The following LRRTM4 variants were observed in gnomAD, a reference collection of about 807,000 sequenced individuals.
LRRTM4 encodes leucine rich repeat transmembrane neuronal 4.
Under a neutral mutation model 47.6 loss-of-function variants are expected in LRRTM4, and 25 were observed. The ratio of observed to expected loss-of-function variants is 0.53; its 90% CI spans 0.38 to 0.73. The LOEUF is 0.73. Among genes scored for constraint, LRRTM4 ranks in the 30% least tolerant of loss-of-function variants. The pLI is 0.00. For synonymous variants in LRRTM4, 311 were observed against 269.5 expected, an observed-to-expected ratio of 1.15 and a Z score of -1.51; for missense variants, 638 against 713.4, an observed-to-expected ratio of 0.89 and a Z score of 1.20.
intron 3 of LRRTM4, among the ~76,000 whole-genome samples, chr2:77,498,967 C>A (rs1678466536): frequency 6.6e-6 from 1 of 151,886 alleles, no homozygotes; most frequent in African/African-American, 2.4e-5. Context: ...TTGCTCGCTA[C>A]ATATGACATC....
chr2:76,879,382 T>G (rs1051622346), intron 3 of LRRTM4, among the ~76,000 whole-genome samples: 4 of 152,188 alleles, frequency 2.6e-5, no homozygotes, highest in African/African-American at 9.6e-5. Context: ...TTAGGGCCAT[T>G]AAGAATTATA....
intron 3 of LRRTM4, among the ~76,000 whole-genome samples, chr2:76,969,217 T>C (rs1318606819): frequency 6.6e-6 from 1 of 151,872 alleles, no homozygotes; most frequent in Admixed American, 6.6e-5. Flanking sequence ...GCCCAAGGAG[T>C]AATAGCATAG....
chr2:77,241,996 A>G (rs1373735645), intron 3 of LRRTM4, among the ~76,000 whole-genome samples: 1 of 152,096 alleles, frequency 6.6e-6, no homozygotes, highest in East Asian at 1.9e-4. Flanking sequence ...GTCAGTCCAT[A>G]CATCTGTCTT....
intron 3 of LRRTM4, among the ~76,000 whole-genome samples, chr2:77,272,669 T>G (rs1676236979): frequency 6.6e-6 from 1 of 152,174 alleles, no homozygotes; most frequent in Admixed American, 6.6e-5. Flanking sequence ...TTTGTGTCAT[T>G]GGGGCAGGTC....
intron 3 of LRRTM4, among the ~76,000 whole-genome samples, chr2:76,915,980 T>G (rs1206889464): frequency 6.6e-6 from 1 of 152,110 alleles, no homozygotes; most frequent in African/African-American, 2.4e-5. Context: ...ATAGATTAGT[T>G]ACTGGAAAAG....
intron 3 of LRRTM4, among the ~76,000 whole-genome samples, chr2:76,844,228 G>A (rs770897076): frequency 2.6e-5 from 4 of 151,098 alleles, no homozygotes; most frequent in South Asian, 4.2e-4. Flanking sequence ...TCCACCTCTC[G>A]GGTTCAAGCT....
intron 3 of LRRTM4, among the ~76,000 whole-genome samples, chr2:77,226,503 T>C (rs1176181100): frequency 1.3e-5 from 2 of 149,662 alleles, no homozygotes; most frequent in African/African-American, 4.9e-5. Flanking sequence ...CTCATTATTT[T>C]CTACTGATGT....
intron 3 of LRRTM4, among the ~76,000 whole-genome samples, chr2:77,454,013 A>G (rs1052044227): frequency 2.0e-5 from 3 of 152,254 alleles, no homozygotes; most frequent in Admixed American, 6.5e-5. Flanking sequence ...TACCTTACAC[A>G]ATGGATTCCA....
At chr2:76,826,010 C>A (rs1671179975) in intron 3 of LRRTM4, among the ~76,000 whole-genome samples, 1 of 151,646 alleles carries the variant, frequency 6.6e-6, no homozygotes, top group African/African-American at 2.4e-5. Context: ...AACTGATGAC[C>A]TTGATAAAAT....
At chr2:77,148,067 G>T (rs946083110) in intron 3 of LRRTM4, among the ~76,000 whole-genome samples, 2 of 152,138 alleles carry the variant, frequency 1.3e-5, no homozygotes, top group African/African-American at 4.8e-5. Flanking sequence ...CAATAACAGT[G>T]ATGTTTTTTG....
At chr2:77,112,304 T>G (rs1671272511) in intron 3 of LRRTM4, among the ~76,000 whole-genome samples, 1 of 152,236 alleles carries the variant, frequency 6.6e-6, no homozygotes, top group Admixed American at 6.5e-5. Context: ...AAACTGGCTC[T>G]TTATTTTCTT....
intron 3 of LRRTM4, among the ~76,000 whole-genome samples, chr2:77,230,979 CG>C (rs948701424): frequency 5.6e-4 from 85 of 152,034 alleles, no homozygotes; most frequent in African/African-American, 1.8e-3. Context: ...AGAAAATGCT[CG>C]GTGAAGCTTC....
At chr2:77,157,809 G>T (rs1009149548) in intron 3 of LRRTM4, among the ~76,000 whole-genome samples, 1 of 152,052 alleles carries the variant, frequency 6.6e-6, no homozygotes, top group Non-Finnish European at 1.5e-5. Context: ...AGATGCAATG[G>T]GCTATTTGCA....
rs1200060922 is a variant in LRRTM4, at chr2:76,941,685, G to C, written c.1552-192769C>G. ...GCATAGTATTCCATGGTGTATATGT[G>C]CCACATTTTCTTTATCCAGTCTAAC... is the stretch of plus-strand genomic sequence containing the variant. On this transcript the variant is annotated intron_variant, in intron 3 of 3. Coordinates refer to ENST00000409884, the MANE Select transcript of LRRTM4 (RefSeq NM_001134745.3). Among the ~76,000 whole-genome samples, 3 of 152,202 alleles carry C rather than the reference G, an allele frequency of 2.0e-5. No homozygotes were observed. In the East Asian group the frequency reaches 5.8e-4, roughly 29 times the overall value.
intron 3 of LRRTM4, among the ~76,000 whole-genome samples, chr2:76,808,743 T>G (rs1670638341): frequency 6.6e-6 from 1 of 152,232 alleles, no homozygotes; most frequent in South Asian, 2.1e-4. Flanking sequence ...TGGAATGTTG[T>G]CTGGCCAGGC....
At chr2:76,796,431 A>G (rs1418708779) in intron 3 of LRRTM4, among the ~76,000 whole-genome samples, 1 of 132,680 alleles carries the variant, frequency 7.5e-6, no homozygotes, top group Non-Finnish European at 1.6e-5. Context: ...GACAGCTTTG[A>G]AGAGAGCTGT....
intron 3 of LRRTM4, among the ~76,000 whole-genome samples, chr2:77,482,378 A>G (rs973439818): frequency 3.9e-5 from 6 of 152,170 alleles, no homozygotes; most frequent in Non-Finnish European, 7.4e-5. Flanking sequence ...ATAAAAAAAG[A>G]AATGTAAATT....
At chr2:77,207,372 T>TATATATATATATATATACACACACAC (rs59335400) in intron 3 of LRRTM4, among the ~76,000 whole-genome samples, 1 of 131,108 alleles carries the variant, frequency 7.6e-6, no homozygotes, top group Non-Finnish European at 1.5e-5. Context: ...TATATATATA[T>TATATATATATATATATACACACACAC]ACACACACAC....
At chr2:77,124,143 A>AT (rs1197006283) in intron 3 of LRRTM4, among the ~76,000 whole-genome samples, 1 of 152,096 alleles carries the variant, frequency 6.6e-6, no homozygotes, top group Non-Finnish European at 1.5e-5. Flanking sequence ...AAGGAAAAAA[A>AT]TTTAATCATA....
Sources: gnomAD v4.1 joint callset for allele counts (sites outside exome capture counted in the v4.1 genomes callset) on GRCh38, gnomAD v4.1.1 for gene constraint, MANE v1.5 for transcripts, NCBI Gene and HGNC (gene_info 2026-07-23, HGNC 2026-07-21) for gene names.